The following CCDC144A variants were observed in gnomAD, a reference collection of about 807,000 sequenced individuals.
The protein encoded by CCDC144A is coiled-coil domain-containing protein 144A.
In CCDC144A, 41 loss-of-function variants were observed where a neutral mutation model predicts 143.8. The ratio of observed to expected loss-of-function variants is 0.29; its 90% CI spans 0.22 to 0.37. The LOEUF (loss-of-function observed/expected upper bound fraction) is 0.37, where lower values mean the gene tolerates loss of function less well. CCDC144A is among the 10% of genes least tolerant of loss of function. CCDC144A has a pLI of 1.00. For missense variants in CCDC144A, 637 were observed against 1,488.8 expected (o/e 0.43, Z 9.41); for synonymous variants, 242 against 517.9 (o/e 0.47, Z 7.23).
chr17:16,772,863 T>A (rs1365549664), intron 16 of CCDC144A, among the ~76,000 whole-genome samples: 3 of 152,230 alleles, frequency 2.0e-5, no homozygotes, highest in Non-Finnish European at 4.4e-5. Context: ...CTTTTTCAGG[T>A]TATAGCATAT....
upstream of CCDC144A, among the ~76,000 whole-genome samples, chr17:16,684,686 T>G (rs942596567): frequency 2.7e-5 from 4 of 150,724 alleles, no homozygotes; most frequent in African/African-American, 4.9e-5. Flanking sequence ...AATTTGAGAC[T>G]GGGCTCAGTG....
At chr17:16,758,099 A>T (rs1385730026) in intron 12 of CCDC144A, among the ~76,000 whole-genome samples, 2 of 152,194 alleles carry the variant, frequency 1.3e-5, no homozygotes, top group African/African-American at 2.4e-5. Context: ...AGCCATCTCG[A>T]TGATGTCTCT....
At chr17:16,683,290 TA>T in the CCDC144A span, 4 of 575,056 alleles carry the variant, frequency 7.0e-6, no homozygotes. Context: ...TTACACAACA[TA>T]TATACAATTT....
the CCDC144A span, among the ~76,000 whole-genome samples, chr17:16,669,849 T>C: frequency 6.6e-5 from 10 of 152,210 alleles, no homozygotes; most frequent in Admixed American, 2.0e-4. Context: ...TCACTCATTT[T>C]TTACCCTAAC....
intron 12 of CCDC144A, among the ~76,000 whole-genome samples, chr17:16,750,702 C>G (rs1039699507): frequency 1.3e-5 from 2 of 151,836 alleles, no homozygotes. Flanking sequence ...AGTGTCTTTA[C>G]AAAATCCCAC....
At chr17:16,696,864 C>G (rs1911447961) in intron 2 of CCDC144A, among the ~76,000 whole-genome samples, 1 of 151,684 alleles carries the variant, frequency 6.6e-6, no homozygotes, top group Non-Finnish European at 1.5e-5. Context: ...CTCCAAACAT[C>G]ATGGTCTCAC....
At position 16,776,379 on chromosome 17, in the gene CCDC144A, A is replaced by T. The variant is rs1184603233; in HGVS notation, c.*2746A>T. 2.0e-5 allele frequency: 3 copies of T among 152,130 alleles called. No homozygotes were observed. The highest frequency in any genetic ancestry group is 4.4e-5 in the Non-Finnish European group (3 of 68,040). The allele number at this position is 152,130 out of a possible 1,614,324, so 9.4% of individuals were successfully genotyped here. On this transcript the variant is annotated 3_prime_UTR_variant, in exon 17 of 17. Coordinates refer to ENST00000399273, the MANE Select transcript of CCDC144A (RefSeq NM_001382000.1). The stretch of plus-strand genomic sequence containing the variant: ...GTTTGTGTCATCTCTGATTTCTTTG[A>T]ATAATGGTTTATAGTTATCCTTGAA...
Position 16,727,580 on chromosome 17 carries a change from C to T in CCDC144A, c.1945C>T (p.Leu649=). 9.1e-7 allele frequency: 1 copy of T among 1,098,590 alleles called. No homozygotes were observed. The highest frequency in any genetic ancestry group is 1.3e-6 in the Non-Finnish European group (1 of 773,034). 68.1% of individuals were successfully genotyped at this position (1,098,590 alleles called of 1,614,324 possible). The change falls in exon 9 of 17, where the codon CTG becomes TTG. Residue 649 remains leucine, a synonymous_variant. Coordinates refer to ENST00000399273, the MANE Select transcript of CCDC144A (RefSeq NM_001382000.1). ...QDTFCLCEHL[L]KLKNNHCDQL... ...CACATTTTGTTTGTGTGAACACTTA[C>T]TGAAACTTAAGAATAATCACTGTGA...
chr17:16,716,103 C>A (rs1009933090), intron 6 of CCDC144A, among the ~76,000 whole-genome samples: 1 of 151,754 alleles, frequency 6.6e-6, no homozygotes, highest in Non-Finnish European at 1.5e-5. Context: ...TTTCATATTC[C>A]AGAACTATAG....
the CCDC144A span, among the ~76,000 whole-genome samples, chr17:16,681,270 C>T: frequency 3.3e-5 from 5 of 152,050 alleles, no homozygotes; most frequent in Non-Finnish European, 7.4e-5. Context: ...GCTTCCCACA[C>T]TGAAATCTAT....
chr17:16,672,742 T>C, the CCDC144A span, among the ~76,000 whole-genome samples: 1 of 152,170 alleles, frequency 6.6e-6, no homozygotes, highest in Non-Finnish European at 1.5e-5. Context: ...CTAGATGACT[T>C]CATATTTTTC....
the CCDC144A span, chr17:16,683,906 A>C: frequency 3.0e-6 from 4 of 1,337,582 alleles, no homozygotes; most frequent in Non-Finnish European, 4.3e-6. Context: ...CTGCTCCAGT[A>C]ATGGGCGTAG....
At chr17:16,670,800 T>G in the CCDC144A span, among the ~76,000 whole-genome samples, 18 of 151,990 alleles carry the variant, frequency 1.2e-4, no homozygotes, top group African/African-American at 3.9e-4. Context: ...TGAGCCACCA[T>G]CCCCCGCCCT....
chr17:16,757,249 G>A (rs1433882062), intron 12 of CCDC144A, among the ~76,000 whole-genome samples: 1 of 152,250 alleles, frequency 6.6e-6, no homozygotes, highest in Non-Finnish European at 1.5e-5. Flanking sequence ...CACTGGTAGT[G>A]GTGAAAGCAG....
intron 12 of CCDC144A, among the ~76,000 whole-genome samples, chr17:16,758,454 C>T (rs1244035948): frequency 4.6e-5 from 7 of 152,202 alleles, no homozygotes; most frequent in Non-Finnish European, 8.8e-5. Context: ...AACACAAAGA[C>T]GTAAGAACTA....
chr17:16,750,009 G>A (rs1420052614), intron 12 of CCDC144A, among the ~76,000 whole-genome samples: 1 of 152,190 alleles, frequency 6.6e-6, no homozygotes, highest in Admixed American at 6.5e-5. Flanking sequence ...GAATATAGCA[G>A]ACTGTTGATT....
At chr17:16,720,487 C>T (rs1913028684) in intron 7 of CCDC144A, 30 bp from the exon 8 acceptor site, 1 of 1,597,746 alleles carries the variant, frequency 6.3e-7, no homozygotes, top group Non-Finnish European at 8.5e-7. Flanking sequence ...CTTTCGAGGA[C>T]ATTTTGAAAC....
chr17:16,672,721 A>G, the CCDC144A span, among the ~76,000 whole-genome samples: 2 of 152,190 alleles, frequency 1.3e-5, no homozygotes, highest in East Asian at 3.8e-4. Context: ...CACTGTGTGT[A>G]CAATCAGTCC....
intron 12 of CCDC144A, chr17:16,746,068 C>T (rs927565803): frequency 5.0e-6 from 8 of 1,609,156 alleles, no homozygotes; most frequent in Middle Eastern, 1.7e-4. Context: ...TCCTGGGGCT[C>T]CTTCAGCGAG....
Sources: allele counts gnomAD v4.1 joint callset (sites outside exome capture counted in the v4.1 genomes callset), GRCh38; gene constraint gnomAD v4.1.1; transcripts MANE v1.5; gene names NCBI Gene and HGNC (gene_info 2026-07-23, HGNC 2026-07-21).